Variants in RIMS4 observed in about 807,000 individuals in gnomAD.
RIMS4 encodes the protein regulating synaptic membrane exocytosis protein 4.
A neutral mutation model predicts 29.0 loss-of-function variants in RIMS4; 9 were observed. The ratio of observed to expected loss-of-function variants is 0.31; its 90% CI spans 0.19 to 0.54. The LOEUF is 0.54. RIMS4 is among the 20% of genes least tolerant of loss of function. The pLI is 0.94. For synonymous variants in RIMS4, 130 were observed against 152.9 expected (o/e 0.85, Z 1.10); for missense variants, 193 against 365.7 (o/e 0.53, Z 3.85).
intron 1 of RIMS4, among the ~76,000 whole-genome samples, 153 bp downstream of exon 1, chr20:44,810,022 A>T (rs970288956): frequency 6.7e-6 from 1 of 148,546 alleles, no homozygotes. Context: ...CGCATCCTGG[A>T]GACCCTGGGG....
chr20:44,757,572 A>C, intron 4 of RIMS4, 98 bp downstream of exon 4: 1 of 953,298 alleles, frequency 1.0e-6, no homozygotes, highest in Non-Finnish European at 1.7e-6. Flanking sequence ...GGGTCCCCAC[A>C]GTTGGGCCCA....
intron 2 of RIMS4, among the ~76,000 whole-genome samples, chr20:44,767,674 G>T (rs141900623): frequency 6.6e-6 from 1 of 152,312 alleles, no homozygotes; most frequent in African/African-American, 2.4e-5. Flanking sequence ...GCTGTGTGAC[G>T]TGGGGCAACT....
intron 2 of RIMS4, among the ~76,000 whole-genome samples, chr20:44,764,191 TATCCATCCATCCATCCATCCACCC>T (rs2066102079): frequency 4.8e-4 from 5 of 10,522 alleles, no homozygotes; most frequent in African/African-American, 1.3e-3. Context: ...TCCATCCATT[TATCCATCCATCCATCCATCCACCC>T]ATCCATCCAT....
chr20:44,793,133 T>C (rs576114181), intron 1 of RIMS4, among the ~76,000 whole-genome samples: 3 of 152,248 alleles, frequency 2.0e-5, no homozygotes, highest in African/African-American at 2.4e-5. Context: ...CAGGTCCTCA[T>C]TATGGGGCCA....
intron 1 of RIMS4, among the ~76,000 whole-genome samples, chr20:44,773,900 T>C (rs4812861): frequency 0.28 from 41,821 of 152,044 alleles, 6,390 homozygotes; most frequent in East Asian, 0.47. Flanking sequence ...ACGTTTCCCA[T>C]AGTGCGGGCA....
chr20:44,779,908 A>G (rs117625246), intron 1 of RIMS4, among the ~76,000 whole-genome samples: 2 of 152,334 alleles, frequency 1.3e-5, no homozygotes, highest in East Asian at 1.9e-4. Flanking sequence ...TAAAGATTGG[A>G]AGATTTTGAG....
chr20:44,756,828 CCT>C lies in RIMS4; in HGVS notation c.591+68_591+69del. 1 of 1,477,894 alleles carries C rather than the reference CCT, an allele frequency of 6.8e-7. No individual in the cohort carries two copies. The highest frequency in any genetic ancestry group is 1.4e-5 in the African/African-American group (1 of 71,816). 91.5% of individuals were successfully genotyped at this position (1,477,894 alleles called of 1,614,324 possible). The stretch of plus-strand genomic sequence containing the variant: ...AGACACCCCCCGCCAGGGGTGCCCT[CCT>C]CTCATTCTGGTACTGTGCATGTGTG... On this transcript the variant is annotated intron_variant, in intron 5 of 5. Transcript: ENST00000372851. This position sits in a 1 kb window ranked among gnomAD's most constrained non-coding sequence, Gnocchi z 5.9.
chr20:44,764,798 T>C (rs1447471234), intron 2 of RIMS4, among the ~76,000 whole-genome samples: 3 of 152,358 alleles, frequency 2.0e-5, no homozygotes, highest in Middle Eastern at 3.4e-3. Context: ...ACTTGAATCA[T>C]GTTGGAACAA....
At chr20:44,775,765 C>G (rs1194072125) in intron 1 of RIMS4, among the ~76,000 whole-genome samples, 1 of 152,170 alleles carries the variant, frequency 6.6e-6, no homozygotes, top group Non-Finnish European at 1.5e-5. Context: ...CAGGCTGGCA[C>G]CCTAAGCAAG....
At position 44,756,082 on chromosome 20, in the gene RIMS4, C is replaced by G. The variant is rs916432685; in HGVS notation, c.*52G>C. 6.3e-6 allele frequency: 9 copies of G among 1,423,512 alleles called. No individual in the cohort carries two copies. The Admixed American group carries it at 1.1e-4, about 18-fold the overall frequency. The allele number at this position is 1,423,512 out of a possible 1,614,324, so 88.2% of individuals were successfully genotyped here. On this transcript the variant is annotated 3_prime_UTR_variant, in exon 6 of 6. Transcript: ENST00000372851. This position sits in a 1 kb window ranked among gnomAD's most constrained non-coding sequence, Gnocchi z 5.9. ...TGCCCCTGGGCCTGGGGTCCCAGGT[C>G]AGGGCTGGGTGGTCTCCAGGCCATC...
At chr20:44,778,816 C>G (rs894902567) in intron 1 of RIMS4, among the ~76,000 whole-genome samples, 1 of 152,048 alleles carries the variant, frequency 6.6e-6, no homozygotes, top group Non-Finnish European at 1.5e-5. Flanking sequence ...TAAACCTGGC[C>G]CCAGTCACTC....
chr20:44,808,693 A>G (rs544563555), intron 1 of RIMS4, among the ~76,000 whole-genome samples: 1 of 152,212 alleles, frequency 6.6e-6, no homozygotes, highest in South Asian at 2.1e-4. Context: ...CCAGGTCAAT[A>G]GAAAGACAGG....
chr20:44,762,336 G>A (rs181139078), intron 2 of RIMS4, among the ~76,000 whole-genome samples: 10 of 152,268 alleles, frequency 6.6e-5, no homozygotes, highest in African/African-American at 2.2e-4. Flanking sequence ...TGGTGACATG[G>A]CCTTTCCTCC....
chr20:44,801,799 C>T (rs1193047454), intron 1 of RIMS4, among the ~76,000 whole-genome samples: 1 of 152,140 alleles, frequency 6.6e-6, no homozygotes, highest in Non-Finnish European at 1.5e-5. Flanking sequence ...GACTCTGTGA[C>T]AGAAACAAGA....
intron 1 of RIMS4, among the ~76,000 whole-genome samples, chr20:44,795,561 G>T (rs1051873643): frequency 6.6e-6 from 1 of 152,176 alleles, no homozygotes; most frequent in African/African-American, 2.4e-5. Flanking sequence ...GAACCTGGGA[G>T]GCAGAGCTTG....
At chr20:44,796,254 T>C (rs2066254667) in intron 1 of RIMS4, among the ~76,000 whole-genome samples, 1 of 151,882 alleles carries the variant, frequency 6.6e-6, no homozygotes, top group Non-Finnish European at 1.5e-5. Context: ...ACAGGCATGA[T>C]CGGATTATTA....
In RIMS4 at chr20:44,790,041, ACACTGGATCAG is replaced by A. The variant is rs1450600162; in HGVS notation, c.98-18639_98-18629del. On this transcript the variant is annotated intron_variant, in intron 1 of 5. Transcript: ENST00000372851. ...AACTGAGCTGTGGTCCCCAGGTGGG[ACACTGGATCAG>A]CACAGAGAATCCCAAATGTGGTTGA... Among the ~76,000 whole-genome samples the A allele has an allele frequency of 1.3e-5, 2 of 152,268 alleles. 1 individual carries two copies. The highest frequency in any genetic ancestry group is 4.8e-5 in the African/African-American group (2 of 41,472).
chr20:44,790,543 C>T (rs1340337949), intron 1 of RIMS4, among the ~76,000 whole-genome samples: 3 of 152,198 alleles, frequency 2.0e-5, no homozygotes, highest in Non-Finnish European at 2.9e-5. Context: ...TGAATGTCCG[C>T]GTCTATGTTT....
At chr20:44,773,766 T>C (rs2066147389) in intron 1 of RIMS4, among the ~76,000 whole-genome samples, 1 of 152,148 alleles carries the variant, frequency 6.6e-6, no homozygotes, top group South Asian at 2.1e-4. Flanking sequence ...AGGATCTGCC[T>C]CCCAGCAGCC....
Sources: gnomAD v4.1 joint callset for allele counts (sites outside exome capture counted in the v4.1 genomes callset) on GRCh38, gnomAD v4.1.1 for gene constraint, Gnocchi (gnomAD v3.1) non-coding constraint, MANE v1.5 for transcripts, NCBI Gene and HGNC (gene_info 2026-07-23, HGNC 2026-07-21) for gene names.